The following MED15 variants were observed in gnomAD, a reference collection of about 807,000 sequenced individuals.
MED15 encodes the protein mediator complex subunit 15.
Under a neutral mutation model 118.7 loss-of-function variants are expected in MED15, and 41 were observed. That is an observed-to-expected ratio of 0.35 (90% confidence interval 0.27 to 0.45). The LOEUF is 0.45. Ranked by LOEUF, MED15 falls within the 20% of genes least tolerant of loss-of-function variation. MED15 has a pLI of 1.00. For missense variants in MED15, 740 were observed against 1,025.5 expected (o/e 0.72, Z 3.80); for synonymous variants, 436 against 413.9 (o/e 1.05, Z -0.65).
Position 20,517,324 on chromosome 22 carries a change from T to G in MED15, c.68+9578T>G, listed in dbSNP as rs535122305. On this transcript the variant is annotated intron_variant, in intron 1 of 17. Coordinates refer to ENST00000263205, the MANE Select transcript of MED15 (RefSeq NM_001003891.3). ...CTTAGTCTTGATCCTTCGTGCAGTG[T>G]CTGCACCTGCCTGCCAGTTCCTTGA... Among the ~76,000 whole-genome samples the G allele has an allele frequency of 1.1e-4, 16 of 152,334 alleles. No homozygotes were observed. The South Asian group carries it at 3.1e-3, about 30-fold the overall frequency.
rs2053910572 is a variant in MED15, at chr22:20,507,617, T to A, written c.-62T>A. 2 of 1,606,920 alleles carry A rather than the reference T, an allele frequency of 1.2e-6. No individual in the cohort carries two copies. The highest frequency in any genetic ancestry group is 4.5e-5 in the East Asian group (2 of 44,860). ...GCTTCCGGGTTTGGGCCTGGCTCTGTGACTGAGGCGGCGGCGGTGGCGGCC... is the reference window on the plus strand; with the variant it reads ...GCTTCCGGGTTTGGGCCTGGCTCTGAGACTGAGGCGGCGGCGGTGGCGGCC... On this transcript the variant is annotated 5_prime_UTR_variant, in exon 1 of 18. Coordinates refer to ENST00000263205, the MANE Select transcript of MED15 (RefSeq NM_001003891.3).
intron 8 of MED15, among the ~76,000 whole-genome samples, chr22:20,570,458 C>G (rs1383923837): frequency 1.4e-5 from 2 of 147,120 alleles, no homozygotes; most frequent in Non-Finnish European, 3.0e-5. Context: ...GTTTTGCGAT[C>G]TCGGCTCACT....
At chr22:20,508,243 C>T (rs2053939833) in intron 1 of MED15, 2 of 1,273,922 alleles carry the variant, frequency 1.6e-6, no homozygotes, top group Middle Eastern at 2.2e-4. Context: ...TGAGGGTGAC[C>T]CCCCGAAGGA....
chr22:20,585,139 A>G lies in MED15; in HGVS notation c.2003A>G (p.Asp668Gly). The G allele has an allele frequency of 1.2e-6, 2 of 1,613,660 alleles. No individual in the cohort carries two copies. Among genetic ancestry groups the G allele is most frequent in the Non-Finnish European group, 1.7e-6 (2 of 1,179,970 alleles). Residue 668 changes from aspartate to glycine, a missense_variant, in exon 16 of 18, where the codon GAT (aspartate) becomes GGT (glycine). By Grantham distance (94) the Asp-to-Gly change is moderately conservative (BLOSUM62 -1). This residue lies in a region of MED15 where 179 missense variants were observed against 259.0 expected (regional missense o/e 0.69). Coordinates refer to ENST00000263205, the MANE Select transcript of MED15 (RefSeq NM_001003891.3). ...VVCTRKRRLE[D>G]DERQSIPSVL... ...TGCACCCGGAAGCGCAGGCTTGAGG[A>G]TGATGAGCGGCAGAGCATCCCCAGT...
intron 9 of MED15, 95 bp downstream of exon 9, chr22:20,575,327 C>G: frequency 1.4e-6 from 2 of 1,439,116 alleles, no homozygotes; most frequent in Non-Finnish European, 9.2e-7. Flanking sequence ...TCGCCGGTGA[C>G]TTCTTTTATG....
intron 1 of MED15, 104 bp downstream of exon 1, chr22:20,507,850 C>T: frequency 6.5e-7 from 1 of 1,543,216 alleles, no homozygotes; most frequent in Non-Finnish European, 8.8e-7. Context: ...CGCCGGGAGA[C>T]AGAAGGCGCC....
chr22:20,549,723 G>A (rs1014457113), intron 2 of MED15, among the ~76,000 whole-genome samples: 4 of 152,010 alleles, frequency 2.6e-5, no homozygotes, highest in Non-Finnish European at 4.4e-5. Context: ...CTCCCTCCCC[G>A]CTCCCCACTA....
intron 1 of MED15, among the ~76,000 whole-genome samples, chr22:20,530,906 G>A (rs1377524420): frequency 6.6e-6 from 1 of 152,174 alleles, no homozygotes; most frequent in Non-Finnish European, 1.5e-5. Flanking sequence ...ACATGGCGGA[G>A]GTGTTTTGGG....
intron 2 of MED15, among the ~76,000 whole-genome samples, chr22:20,542,839 G>C (rs553920959): frequency 3.2e-4 from 49 of 152,274 alleles, no homozygotes; most frequent in African/African-American, 1.1e-3. Flanking sequence ...TTTCTCCACA[G>C]ATCTTTCCTA....
At chr22:20,556,864 T>G (rs1383359897) in intron 5 of MED15, among the ~76,000 whole-genome samples, 2 of 152,228 alleles carry the variant, frequency 1.3e-5, no homozygotes, top group Admixed American at 6.5e-5. Flanking sequence ...TCATACCATA[T>G]GTGACTTTTT....
chr22:20,540,083 G>A (rs1430955546), intron 2 of MED15, among the ~76,000 whole-genome samples: 3 of 152,072 alleles, frequency 2.0e-5, no homozygotes, highest in African/African-American at 7.2e-5. Flanking sequence ...GAGTGCAGTG[G>A]AAGTGGAGGG....
At position 20,514,833 on chromosome 22, in the gene MED15, G is replaced by GT. The variant is rs2054194964; in HGVS notation, c.68+7088dup. On this transcript the variant is annotated intron_variant, in intron 1 of 17. Transcript: ENST00000263205. ...ATGGTCGTGCCATAGGCAGAAGCCA[G>GT]TGAGTCAGCCTTGGCGGAGCTTTTT... Among the ~76,000 whole-genome samples, 3 of 152,364 alleles carry GT rather than the reference G, an allele frequency of 2.0e-5. No homozygotes were observed. In the South Asian group the frequency reaches 6.2e-4, roughly 32 times the overall value.
At chr22:20,581,574 A>G (rs949247068) in intron 9 of MED15, among the ~76,000 whole-genome samples, 1 of 152,090 alleles carries the variant, frequency 6.6e-6, no homozygotes, top group African/African-American at 2.4e-5. Flanking sequence ...GGTGTGGGAA[A>G]TGTAGCAGGG....
intron 2 of MED15, among the ~76,000 whole-genome samples, chr22:20,541,062 A>G (rs531741177): frequency 6.6e-6 from 1 of 152,034 alleles, no homozygotes; most frequent in African/African-American, 2.4e-5. Flanking sequence ...CCCTGTCTCT[A>G]CTTAAAATAC....
intron 1 of MED15, among the ~76,000 whole-genome samples, chr22:20,510,472 A>G (rs1398441349): frequency 1.3e-5 from 2 of 152,140 alleles, no homozygotes; most frequent in African/African-American, 2.4e-5. Context: ...GTCTCCTGCT[A>G]TCAAGGCCTA....
chr22:20,535,758 A>T (rs112996281), intron 1 of MED15, among the ~76,000 whole-genome samples: 1 of 150,736 alleles, frequency 6.6e-6, no homozygotes, highest in East Asian at 2.0e-4. Context: ...ACAGGGTTTC[A>T]CTGTGTTAGC....
chr22:20,566,987 C>T (rs1348740366), intron 7 of MED15, among the ~76,000 whole-genome samples, 170 bp downstream of exon 7: 1 of 152,200 alleles, frequency 6.6e-6, no homozygotes, highest in Non-Finnish European at 1.5e-5. Context: ...AGCAGGGAAG[C>T]ATGTGTTTTG....
At chr22:20,508,949 T>C (rs1306570023) in intron 1 of MED15, among the ~76,000 whole-genome samples, 1 of 152,186 alleles carries the variant, frequency 6.6e-6, no homozygotes, top group African/African-American at 2.4e-5. Flanking sequence ...CAGTCTGTAA[T>C]GTGTATACTG....
intron 1 of MED15, among the ~76,000 whole-genome samples, chr22:20,518,099 C>T (rs988681132): frequency 1.3e-5 from 2 of 152,238 alleles, no homozygotes; most frequent in Admixed American, 1.3e-4. Flanking sequence ...TGCCATAATG[C>T]GTCAACATCG....
Sources: allele counts gnomAD v4.1 joint callset (sites outside exome capture counted in the v4.1 genomes callset), GRCh38; gene constraint gnomAD v4.1.1; regional missense constraint gnomAD v4.1.1; transcripts MANE v1.5; gene names NCBI Gene and HGNC (gene_info 2026-07-23, HGNC 2026-07-21).